NHEJ1: variants seen among roughly 807,000 people sequenced by gnomAD.
The protein encoded by NHEJ1 is non-homologous end joining factor 1, also known as non-homologous end-joining factor 1.
NHEJ1 carries 22 observed loss-of-function variants against 39.4 expected under a neutral mutation model. The ratio of observed to expected loss-of-function variants is 0.56; its 90% CI spans 0.40 to 0.80. The LOEUF (loss-of-function observed/expected upper bound fraction) is 0.80, where lower values mean the gene tolerates loss of function less well. Ranked by LOEUF, NHEJ1 falls within the 30% of genes least tolerant of loss-of-function variation. The pLI is 0.00. For missense variants in NHEJ1, 329 were observed against 357.1 expected (o/e 0.92, Z 0.63); for synonymous variants, 154 against 135.6 (o/e 1.14, Z -0.94).
intron 5 of NHEJ1, among the ~76,000 whole-genome samples, chr2:219,118,884 G>A (rs778111964): frequency 3.3e-5 from 5 of 152,144 alleles, no homozygotes; most frequent in African/African-American, 4.8e-5. Context: ...AATCAATGGC[G>A]GCTGGTGGGA....
chr2:219,102,984 G>T (rs949847770), intron 5 of NHEJ1, among the ~76,000 whole-genome samples: 5 of 105,790 alleles, frequency 4.7e-5, no homozygotes, highest in South Asian at 3.3e-4. Flanking sequence ...CAGCCTGGGC[G>T]ACAGAGCGAG....
At chr2:219,140,597 T>C (rs1393885046) in intron 5 of NHEJ1, among the ~76,000 whole-genome samples, 3 of 152,050 alleles carry the variant, frequency 2.0e-5, no homozygotes, top group African/African-American at 7.2e-5. Flanking sequence ...GACTCCAAGG[T>C]TTTTTCACCC....
chr2:219,091,155 G>A (rs1404462782), intron 5 of NHEJ1, among the ~76,000 whole-genome samples: 2 of 152,094 alleles, frequency 1.3e-5, no homozygotes, highest in Non-Finnish European at 2.9e-5. Context: ...GTTTTGGGAT[G>A]CAGGTTTATC....
Position 219,154,791 on chromosome 2 carries a change from T to C in NHEJ1, c.390+2681A>G, listed in dbSNP as rs1048546921. 1.0e-3 allele frequency among the ~76,000 whole-genome samples: 157 copies of C among 151,198 alleles called. 1 individual carries two copies. Among genetic ancestry groups the C allele is most frequent in the African/African-American group, 3.1e-3 (129 of 41,370 alleles). ...AAACACTGTTGTCTCTTTCCTTTAA[T>C]GTAGTTCCCCAATTAGAGAAATTTG... On this transcript the variant is annotated intron_variant, in intron 3 of 7. Coordinates refer to ENST00000356853, the MANE Select transcript of NHEJ1 (RefSeq NM_024782.3).
intron 5 of NHEJ1, among the ~76,000 whole-genome samples, chr2:219,089,235 G>A (rs1054207717): frequency 6.6e-6 from 1 of 152,084 alleles, no homozygotes; most frequent in Admixed American, 6.6e-5. Flanking sequence ...TCTACTCCTA[G>A]GTACATACCC....
intron 5 of NHEJ1, among the ~76,000 whole-genome samples, chr2:219,113,850 C>G (rs1304992868): frequency 6.7e-6 from 1 of 150,128 alleles, no homozygotes; most frequent in Non-Finnish European, 1.5e-5. Context: ...ATGACCATCA[C>G]CCATTTAATA....
intron 5 of NHEJ1, among the ~76,000 whole-genome samples, chr2:219,140,199 G>C (rs1211206033): frequency 6.6e-6 from 1 of 152,208 alleles, no homozygotes; most frequent in African/African-American, 2.4e-5. Flanking sequence ...TGGCTGCAGT[G>C]GAGTGAATGA....
At chr2:219,130,968 T>C (rs1270395946) in intron 5 of NHEJ1, among the ~76,000 whole-genome samples, 1 of 152,142 alleles carries the variant, frequency 6.6e-6, no homozygotes, top group East Asian at 1.9e-4. Context: ...GGTACATGCC[T>C]ATTGTCCCAG....
chr2:219,132,706 A>G (rs1949590563), intron 5 of NHEJ1, among the ~76,000 whole-genome samples: 1 of 152,134 alleles, frequency 6.6e-6, no homozygotes, highest in African/African-American at 2.4e-5. Flanking sequence ...TCTCCATACA[A>G]TATTCCTCTG....
At chr2:219,136,869 C>T (rs964850564) in intron 5 of NHEJ1, among the ~76,000 whole-genome samples, 9 of 152,158 alleles carry the variant, frequency 5.9e-5, no homozygotes, top group Non-Finnish European at 8.8e-5. Context: ...TCCCAAAGTG[C>T]TGGGATTACA....
At chr2:219,147,613 T>A in intron 4 of NHEJ1, 44 bp downstream of exon 4, 1 of 1,613,630 alleles carries the variant, frequency 6.2e-7, no homozygotes, top group South Asian at 1.1e-5. Context: ...CCTTTGACTA[T>A]TTTTAACACG....
At chr2:219,121,781 G>T (rs1330596136) in intron 5 of NHEJ1, among the ~76,000 whole-genome samples, 1 of 151,008 alleles carries the variant, frequency 6.6e-6, no homozygotes, top group East Asian at 1.9e-4. Flanking sequence ...AGCCCTGATT[G>T]CACCACCACA....
chr2:219,154,512 G>T (rs1401979526), intron 3 of NHEJ1, among the ~76,000 whole-genome samples: 1 of 152,060 alleles, frequency 6.6e-6, no homozygotes, highest in African/African-American at 2.4e-5. Flanking sequence ...TCACAAGAAT[G>T]AGTTACAAAC....
chr2:219,129,006 T>C (rs1010542800), intron 5 of NHEJ1, among the ~76,000 whole-genome samples: 3 of 152,190 alleles, frequency 2.0e-5, no homozygotes, highest in African/African-American at 7.2e-5. Context: ...GTAGGTAAAA[T>C]TAAGTCTTGG....
intron 5 of NHEJ1, among the ~76,000 whole-genome samples, chr2:219,130,153 G>A (rs1048781517): frequency 2.0e-5 from 3 of 151,162 alleles, no homozygotes; most frequent in Non-Finnish European, 2.9e-5. Flanking sequence ...TCTCATTAGC[G>A]TGTCCTATGA....
intron 5 of NHEJ1, among the ~76,000 whole-genome samples, chr2:219,133,922 T>A (rs1449232789): frequency 6.6e-6 from 1 of 152,222 alleles, no homozygotes; most frequent in Non-Finnish European, 1.5e-5. Context: ...TTTCCCTTCA[T>A]CGGCATAAGT....
At position 219,155,689 on chromosome 2, in the gene NHEJ1, G is replaced by A. The variant is rs1027417534; in HGVS notation, c.390+1783C>T. Among the ~76,000 whole-genome samples, 9 of 152,166 alleles carry A rather than the reference G, an allele frequency of 5.9e-5. No homozygotes were observed. In the East Asian group the frequency reaches 1.2e-3, roughly 20 times the overall value. ...TCTAATCCCAGCACTTTGGGAGGCC[G>A]AGGTGAGCGGATCACGAGGTCAGGA... On this transcript the variant is annotated intron_variant, in intron 3 of 7. Transcript: ENST00000356853.
At chr2:219,080,624 T>C (rs562350360) in intron 5 of NHEJ1, among the ~76,000 whole-genome samples, 1 of 118,310 alleles carries the variant, frequency 8.5e-6, no homozygotes, top group Admixed American at 8.3e-5. Flanking sequence ...CTTATATATA[T>C]GCTAATATAT....
intron 3 of NHEJ1, among the ~76,000 whole-genome samples, chr2:219,149,722 T>C (rs1040487022): frequency 6.6e-6 from 1 of 152,216 alleles, no homozygotes; most frequent in Non-Finnish European, 1.5e-5. Context: ...AAGAAGGCAC[T>C]AAAAAGAAGA....
Sources: gnomAD v4.1 joint callset for allele counts (sites outside exome capture counted in the v4.1 genomes callset) on GRCh38, gnomAD v4.1.1 for gene constraint, MANE v1.5 for transcripts, NCBI Gene and HGNC (gene_info 2026-07-23, HGNC 2026-07-21) for gene names.